NCOA7: variants seen among roughly 807,000 people sequenced by gnomAD.
NCOA7 encodes the protein nuclear receptor coactivator 7.
In NCOA7, 45 loss-of-function variants were observed where a neutral mutation model predicts 104.3. The observed-to-expected ratio is 0.43, with a 90% CI of 0.34 to 0.55. The LOEUF is 0.55. NCOA7 is among the 20% of genes least tolerant of loss of function. The pLI is 0.02. For synonymous variants in NCOA7, 398 were observed against 402.3 expected (o/e 0.99, Z 0.13); for missense variants, 1,041 against 1,119.7 (o/e 0.93, Z 1.00).
intron 2 of NCOA7, among the ~76,000 whole-genome samples, chr6:125,831,077 AT>A (rs1779148454): frequency 6.6e-6 from 1 of 152,186 alleles, no homozygotes; most frequent in Admixed American, 6.5e-5. Flanking sequence ...AGCTTTATGC[AT>A]TATGGCATAT....
chr6:125,790,720 T>C (rs6932999), upstream of NCOA7: 18,275 of 152,126 alleles, frequency 0.12, 1,469 homozygotes, highest in African/African-American at 0.23. Flanking sequence ...GCGCCACCCG[T>C]GACTGCCCGC....
intron 2 of NCOA7, among the ~76,000 whole-genome samples, chr6:125,839,085 G>T (rs1460119773): frequency 6.6e-6 from 1 of 152,000 alleles, no homozygotes; most frequent in Non-Finnish European, 1.5e-5. Flanking sequence ...ATGCATGATT[G>T]ATTAAATCAT....
chr6:125,815,365 A>G lies in NCOA7; in HGVS notation c.11A>G (p.Lys4Arg), dbSNP rs1777491829. ...TTTTGATTGTGTATTATGGATACCA[A>G]GGAAGAGAAGAAGGAACGGAAACAA... MDT[K>R]EEKKERKQSY... is the part of the protein sequence containing the mutation. Residue 4 changes from lysine to arginine, a missense_variant, in exon 2 of 16, where the codon AAG (lysine) becomes AGG (arginine). By Grantham distance (26) the Lys-to-Arg change is conservative. Coordinates refer to ENST00000392477, the MANE Select transcript of NCOA7 (RefSeq NM_181782.5). 1.9e-6 allele frequency: 3 copies of G among 1,608,398 alleles called. No individual in the cohort carries two copies. Among genetic ancestry groups the G allele is most frequent in the Non-Finnish European group, 1.7e-6 (2 of 1,177,394 alleles).
Position 125,862,547 on chromosome 6 carries a change from T to C in NCOA7, c.271+7307T>C, listed in dbSNP as rs1452737713. Among the ~76,000 whole-genome samples, 2 of 138,658 alleles carry C rather than the reference T, an allele frequency of 1.4e-5. 1 individual carries two copies. Among genetic ancestry groups the C allele is most frequent in the Non-Finnish European group, 3.1e-5 (2 of 65,024 alleles). The allele number at this position is 138,658 out of a possible 152,430, so 91.0% of individuals were successfully genotyped here. ...AATTTATGAACAAATTAGGTCATTT[T>C]GGCAGTGCCCACGTGAATGGCATTT... On this transcript the variant is annotated intron_variant, in intron 3 of 15. Transcript: ENST00000392477.
At chr6:125,837,614 A>G (rs1170325346) in intron 2 of NCOA7, among the ~76,000 whole-genome samples, 1 of 151,044 alleles carries the variant, frequency 6.6e-6, no homozygotes, top group African/African-American at 2.4e-5. Flanking sequence ...TTTTAGGTTT[A>G]TTTTCTTCTA....
intron 1 of NCOA7, among the ~76,000 whole-genome samples, chr6:125,795,182 C>T (rs1188732242): frequency 6.6e-6 from 1 of 152,088 alleles, no homozygotes; most frequent in Non-Finnish European, 1.5e-5. Flanking sequence ...TGGCCTTTCT[C>T]AAGGGTCAGT....
rs533476874 is a variant in NCOA7 at position 125,922,816 on chromosome 6, C to T, written c.2505C>T (p.Ile835=). 6.2e-7 allele frequency: 1 copy of T among 1,614,056 alleles called. No homozygotes were observed. Among genetic ancestry groups the T allele is most frequent in the South Asian group, 1.1e-5 (1 of 91,072 alleles). Residue 835 remains isoleucine, a synonymous_variant, in exon 13 of 16, where the codon ATC becomes ATT. Coordinates refer to ENST00000392477, the MANE Select transcript of NCOA7 (RefSeq NM_181782.5). ...TAGACAGTCCTGTCCTATTGGTCAT[C>T]AAAGATATGGATAATCAGGTGAGGC... ...ASLDSPVLLV[I]KDMDNQIFGA...
chr6:125,781,326 C>T (rs1774217754), exon 1 of NCOA7: 1 of 152,176 alleles, frequency 6.6e-6, no homozygotes, highest in African/African-American at 2.4e-5. Flanking sequence ...TCACAACATC[C>T]GCCGCCACTG....
At chr6:125,789,803 C>T (rs1774661460), upstream of NCOA7, among the ~76,000 whole-genome samples, 1 of 152,210 alleles carries the variant, frequency 6.6e-6, no homozygotes, top group East Asian at 1.9e-4. Flanking sequence ...GCGTCAACAA[C>T]CCAGAGGAGG....
At chr6:125,851,854 G>A (rs1583376071) in intron 2 of NCOA7, among the ~76,000 whole-genome samples, 1 of 151,248 alleles carries the variant, frequency 6.6e-6, no homozygotes, top group South Asian at 2.1e-4. Flanking sequence ...GTGATATAGA[G>A]CATTTTAAAA....
intron 1 of NCOA7, among the ~76,000 whole-genome samples, chr6:125,805,149 G>A (rs981762963): frequency 1.1e-4 from 14 of 125,862 alleles, no homozygotes; most frequent in African/African-American, 3.9e-4. Context: ...AGGCTGGAAT[G>A]CAATGGCACG....
intron 10 of NCOA7, among the ~76,000 whole-genome samples, chr6:125,902,764 A>G (rs943574254): frequency 1.3e-5 from 2 of 152,180 alleles, no homozygotes; most frequent in Non-Finnish European, 2.9e-5. Flanking sequence ...ACAGTAAAGC[A>G]TATTGTTTAA....
intron 1 of NCOA7, among the ~76,000 whole-genome samples, chr6:125,807,372 C>A (rs575524629): frequency 6.6e-6 from 1 of 152,214 alleles, no homozygotes; most frequent in South Asian, 2.1e-4. Flanking sequence ...GTCTAATCCT[C>A]AAAAAGGGTA....
chr6:125,920,449 T>C (rs916708059), intron 11 of NCOA7, among the ~76,000 whole-genome samples: 3 of 152,252 alleles, frequency 2.0e-5, no homozygotes, highest in African/African-American at 7.2e-5. Flanking sequence ...ATCTAAAGGC[T>C]AAAAGAGAAT....
Position 125,922,801 on chromosome 6 carries a change from T to G in NCOA7, c.2490T>G (p.Pro830=). The G allele has an allele frequency of 6.2e-7, 1 of 1,614,190 alleles. No individual in the cohort carries two copies. Among genetic ancestry groups the G allele is most frequent in the Non-Finnish European group, 8.5e-7 (1 of 1,180,018 alleles). ...LYRKSASLDS[P]VLLVIKDMDN... is the part of the protein sequence containing the mutation. ...GGAAATCGGCATCACTAGACAGTCCTGTCCTATTGGTCATCAAAGATATGG... is the reference window on the plus strand; with the variant it reads ...GGAAATCGGCATCACTAGACAGTCCGGTCCTATTGGTCATCAAAGATATGG... Residue 830 remains proline (P), a synonymous_variant, in exon 13 of 16, where the codon CCT becomes CCG. Coordinates refer to ENST00000392477, the MANE Select transcript of NCOA7 (RefSeq NM_181782.5).
chr6:125,803,827 G>A (rs371195298), intron 1 of NCOA7, among the ~76,000 whole-genome samples: 3 of 152,094 alleles, frequency 2.0e-5, no homozygotes, highest in Non-Finnish European at 4.4e-5. Flanking sequence ...ATCTTTTAAC[G>A]CCTTTCATCT....
rs374655980 is a variant in NCOA7 at position 125,897,033 on chromosome 6, G to A, written c.2096+6223G>A. Among the ~76,000 whole-genome samples the A allele has an allele frequency of 1.8e-3, 268 of 152,246 alleles. 2 individuals are homozygous for A. The highest frequency in any genetic ancestry group is 9.5e-3 in the South Asian group (46 of 4,824). Reference sequence around the variant, plus strand: ...ATGATAAGTTATTACATAATGTCAAGCATAATTCAAAGTCTCACTATCTCA... The same window carrying A: ...ATGATAAGTTATTACATAATGTCAAACATAATTCAAAGTCTCACTATCTCA... On this transcript the variant is annotated intron_variant, in intron 10 of 15. Transcript: ENST00000392477.
At chr6:125,822,036 G>T (rs1326164930) in intron 2 of NCOA7, among the ~76,000 whole-genome samples, 1 of 152,186 alleles carries the variant, frequency 6.6e-6, no homozygotes. Context: ...GTGTGCCAGT[G>T]CCAAGAATGA....
chr6:125,890,389 A>G (rs191907515), intron 9 of NCOA7, among the ~76,000 whole-genome samples: 2 of 152,248 alleles, frequency 1.3e-5, no homozygotes, highest in East Asian at 3.9e-4. Context: ...ATTATTTGCT[A>G]TTCTATTGGT....
Sources: gnomAD v4.1 joint callset for allele counts (sites outside exome capture counted in the v4.1 genomes callset) on GRCh38, gnomAD v4.1.1 for gene constraint, MANE v1.5 for transcripts, NCBI Gene and HGNC (gene_info 2026-07-23, HGNC 2026-07-21) for gene names.